Variants in LRRC37A2 observed in about 807,000 individuals in gnomAD.
The protein encoded by LRRC37A2 is leucine-rich repeat-containing protein 37A2.
LRRC37A2 carries 9 observed loss-of-function variants against 68.8 expected under a neutral mutation model. The observed-to-expected ratio is 0.13, with a 90% CI of 0.08 to 0.23. The LOEUF is 0.23. Ranked by LOEUF, LRRC37A2 falls within the 10% of genes least tolerant of loss-of-function variation. LRRC37A2 has a pLI of 1.00. For missense variants in LRRC37A2, 168 were observed against 950.4 expected, an observed-to-expected ratio of 0.18 and a Z score of 10.82; for synonymous variants, 63 against 367.6, an observed-to-expected ratio of 0.17 and a Z score of 9.48.
chr17:46,938,410 C>G, the LRRC37A2 span, among the ~76,000 whole-genome samples: 1 of 152,154 alleles, frequency 6.6e-6, no homozygotes, highest in Non-Finnish European at 1.5e-5. Context: ...TAGCGTTGCT[C>G]TGGTACCTTG....
the LRRC37A2 span, among the ~76,000 whole-genome samples, chr17:46,710,250 A>G: frequency 6.6e-6 from 1 of 152,218 alleles, no homozygotes; most frequent in Non-Finnish European, 1.5e-5. Flanking sequence ...TGTAAATACT[A>G]AAGTTATTGA....
the LRRC37A2 span, among the ~76,000 whole-genome samples, chr17:46,796,361 C>T: frequency 4.6e-5 from 7 of 152,150 alleles, no homozygotes; most frequent in African/African-American, 1.7e-4. Context: ...GTGTGCTTGC[C>T]GCATATTAAC....
the LRRC37A2 span, among the ~76,000 whole-genome samples, chr17:46,823,146 ATATATT>A: frequency 7.7e-5 from 10 of 129,612 alleles, no homozygotes; most frequent in African/African-American, 3.1e-4. Context: ...ATTATATTAT[ATATATT>A]TATATATTAT....
At chr17:46,865,033 T>G in the LRRC37A2 span, among the ~76,000 whole-genome samples, 1 of 152,214 alleles carries the variant, frequency 6.6e-6, no homozygotes, top group African/African-American at 2.4e-5. Context: ...ATAGAGGTGA[T>G]GGATCCTTCT....
At chr17:46,795,172 T>A in the LRRC37A2 span, among the ~76,000 whole-genome samples, 2 of 152,062 alleles carry the variant, frequency 1.3e-5, no homozygotes, top group Admixed American at 1.3e-4. Context: ...AATTGTTCCC[T>A]ACCAGGAATG....
At chr17:47,044,782 AG>A in the LRRC37A2 span, among the ~76,000 whole-genome samples, 1 of 149,968 alleles carries the variant, frequency 6.7e-6, no homozygotes, top group African/African-American at 2.4e-5. Context: ...GAGGCCAAAG[AG>A]AGAGGGTGGC....
At chr17:46,937,373 C>T in the LRRC37A2 span, 3 of 152,088 alleles carry the variant, frequency 2.0e-5, no homozygotes, top group East Asian at 1.9e-4. Context: ...ACTAGAGAGC[C>T]GAGGACAAGT....
chr17:46,812,014 G>A, the LRRC37A2 span, among the ~76,000 whole-genome samples: 2 of 152,112 alleles, frequency 1.3e-5, no homozygotes, highest in Non-Finnish European at 2.9e-5. Flanking sequence ...TAGCTATTCC[G>A]CTGCCCAGAA....
chr17:46,712,583 T>TG, the LRRC37A2 span, among the ~76,000 whole-genome samples: 1 of 152,190 alleles, frequency 6.6e-6, no homozygotes, highest in Admixed American at 6.5e-5. Flanking sequence ...ATAGGAGAAG[T>TG]AAATCGGAAA....
the LRRC37A2 span, among the ~76,000 whole-genome samples, chr17:46,608,716 TC>T: frequency 8.4e-6 from 1 of 118,714 alleles, no homozygotes; most frequent in Admixed American, 8.3e-5. Flanking sequence ...TGCCTCATCC[TC>T]CCGAGTAGCT....
At chr17:46,889,248 C>T in the LRRC37A2 span, among the ~76,000 whole-genome samples, 1 of 152,098 alleles carries the variant, frequency 6.6e-6, no homozygotes, top group Admixed American at 6.5e-5. Context: ...AGGCAATGAA[C>T]CACTCACTCA....
At chr17:46,992,168 C>T in the LRRC37A2 span, among the ~76,000 whole-genome samples, 1 of 88,792 alleles carries the variant, frequency 1.1e-5, no homozygotes, top group Non-Finnish European at 2.8e-5. Flanking sequence ...TGAGACCAGC[C>T]TGGCCAACAT....
At chr17:46,936,131 A>G in the LRRC37A2 span, 4 of 985,840 alleles carry the variant, frequency 4.1e-6, no homozygotes, top group Non-Finnish European at 4.8e-6. Flanking sequence ...GATGGCCTGG[A>G]AGGGTGGTCT....
chr17:46,820,391 A>G, the LRRC37A2 span, among the ~76,000 whole-genome samples: 16 of 151,462 alleles, frequency 1.1e-4, no homozygotes, highest in Non-Finnish European at 1.3e-4. Context: ...AGAGAGAGAG[A>G]GGGGCTCAGA....
chr17:46,989,060 C>T, the LRRC37A2 span, among the ~76,000 whole-genome samples: 6 of 152,160 alleles, frequency 3.9e-5, no homozygotes, highest in African/African-American at 1.4e-4. Context: ...TTTAGCAATG[C>T]CAACCCCTGC....
chr17:46,819,539 G>A, the LRRC37A2 span, among the ~76,000 whole-genome samples: 1 of 152,186 alleles, frequency 6.6e-6, no homozygotes, highest in Admixed American at 6.5e-5. This position sits in a 1 kb window ranked among gnomAD's most constrained non-coding sequence, Gnocchi z 5.3. Context: ...TGGGATTCTC[G>A]GTTGGACCAT....
the LRRC37A2 span, among the ~76,000 whole-genome samples, chr17:46,492,674 T>G: frequency 6.7e-6 from 1 of 149,234 alleles, no homozygotes; most frequent in Non-Finnish European, 1.5e-5. Context: ...CTTGATATTT[T>G]CAGGGTTTTG....
the LRRC37A2 span, among the ~76,000 whole-genome samples, chr17:46,985,071 G>C: frequency 1.3e-5 from 2 of 152,216 alleles, no homozygotes; most frequent in African/African-American, 4.8e-5. Flanking sequence ...CTGTCCAAAT[G>C]ATCTCACGTT....
the LRRC37A2 span, among the ~76,000 whole-genome samples, chr17:47,021,066 A>C: frequency 6.6e-6 from 1 of 152,162 alleles, no homozygotes; most frequent in Non-Finnish European, 1.5e-5. Context: ...CGTGGTTACA[A>C]AGAATTAGGT....
Sources: allele counts gnomAD v4.1 joint callset (sites outside exome capture counted in the v4.1 genomes callset), GRCh38; gene constraint gnomAD v4.1.1; non-coding constraint Gnocchi (gnomAD v3.1); transcripts MANE v1.5; gene names NCBI Gene and HGNC (gene_info 2026-07-23, HGNC 2026-07-21).